The following ZMYM4 variants were observed in gnomAD, a reference collection of about 807,000 sequenced individuals.
The protein encoded by ZMYM4 is zinc finger MYM-type containing 4.
In ZMYM4, 31 loss-of-function variants were observed where a neutral mutation model predicts 183.2. The ratio of observed to expected loss-of-function variants is 0.17; its 90% CI spans 0.13 to 0.23. ZMYM4 has a LOEUF of 0.23. ZMYM4 is among the 10% of genes least tolerant of loss of function. The pLI is 1.00. For synonymous variants in ZMYM4, 592 were observed against 631.2 expected (o/e 0.94, Z 0.93); for missense variants, 1,273 against 1,840.3 (o/e 0.69, Z 5.64).
chr1:35,385,579 G>A lies in ZMYM4; in HGVS notation c.1707G>A (p.Met569Ile). Residue 569 changes from methionine (M) to isoleucine (I), a missense_variant, in exon 10 of 30, where the codon ATG becomes ATA. Met to Ile is a conservative substitution (Grantham distance 10). This residue lies in a region of ZMYM4 where 319 missense variants were observed against 518.1 expected (regional missense o/e 0.62). Coordinates refer to ENST00000314607, the MANE Select transcript of ZMYM4 (RefSeq NM_005095.3). ...VNCLSAYRVK[M>I]VTSAGVQVQC... ...GCTTATCTGCTTACAGAGTTAAAATGGTTACTTCTGCAGGTAATATTGGTT... is the reference window on the plus strand; with the variant it reads ...GCTTATCTGCTTACAGAGTTAAAATAGTTACTTCTGCAGGTAATATTGGTT... The A allele has an allele frequency of 6.2e-7, 1 of 1,601,246 alleles. No homozygotes were observed. The highest frequency in any genetic ancestry group is 8.5e-7 in the Non-Finnish European group (1 of 1,176,350).
At chr1:35,282,947 C>G (rs1320772978) in intron 1 of ZMYM4, among the ~76,000 whole-genome samples, 2 of 144,586 alleles carry the variant, frequency 1.4e-5, no homozygotes, top group Non-Finnish European at 3.0e-5. Context: ...TTTTCTGCAT[C>G]CTCACCAATA....
chr1:35,286,379 C>T (rs1001976074), intron 1 of ZMYM4, among the ~76,000 whole-genome samples: 7 of 152,118 alleles, frequency 4.6e-5, no homozygotes, highest in Admixed American at 3.3e-4. Context: ...CCTCCCCGTC[C>T]GCCAAAAAAA....
intron 1 of ZMYM4, 72 bp from the exon 2 acceptor site, chr1:35,325,288 G>A (rs1166209104): frequency 7.2e-7 from 1 of 1,395,636 alleles, no homozygotes; most frequent in South Asian, 1.3e-5. Context: ...TGGGGAATAG[G>A]GAGGGATACC....
chr1:35,363,286 A>G (rs1366884507), intron 5 of ZMYM4, among the ~76,000 whole-genome samples: 1 of 152,028 alleles, frequency 6.6e-6, no homozygotes, highest in East Asian at 1.9e-4. Flanking sequence ...GGTCAAGTGC[A>G]TTTTTCATTT....
At chr1:35,372,812 AC>A (rs758443550) in intron 7 of ZMYM4, among the ~76,000 whole-genome samples, 1 of 152,206 alleles carries the variant, frequency 6.6e-6, no homozygotes, top group Non-Finnish European at 1.5e-5. Flanking sequence ...AGTTTCAGAT[AC>A]TGGGAGCATT....
chr1:35,405,460 G>A lies in ZMYM4; in HGVS notation c.3788G>A (p.Gly1263Asp). The A allele has an allele frequency of 6.2e-7, 1 of 1,600,028 alleles. No individual in the cohort carries two copies. The highest frequency in any genetic ancestry group is 8.5e-7 in the Non-Finnish European group (1 of 1,175,032). The change falls in exon 25 of 30, where the codon GGC becomes GAC. Residue 1263 changes from glycine to aspartate, a missense_variant. By Grantham distance (94) the Gly-to-Asp change is moderately conservative (BLOSUM62 -1). Around this residue, in one of 6 missense-constraint regions of ZMYM4, gnomAD observed 133 missense variants for 155.7 expected, o/e 0.85. Transcript: ENST00000314607. Reference protein sequence around the residue: ...HALSQESSEPGCRVRSIKLKE... With the variant: ...HALSQESSEPDCRVRSIKLKE... ...CTCTCTCAAGAATCCTCAGAGCCAG[G>A]CTGTAGAGGTAAAATTTGTTTCTCT...
rs571824014 is a variant in ZMYM4 at position 35,335,750 on chromosome 1, G to T, written c.85+10345G>T. The stretch of plus-strand genomic sequence containing the variant: ...GGGTGGATCACGAGGTCAGGAGCTC[G>T]AGACCATCCTAGCTAACACGGTGAA... On this transcript the variant is annotated intron_variant, in intron 2 of 29. Transcript: ENST00000314607. 3.9e-5 allele frequency among the ~76,000 whole-genome samples: 6 copies of T among 152,080 alleles called. No individual in the cohort carries two copies. The South Asian group carries it at 8.3e-4, about 21-fold the overall frequency.
At chr1:35,407,515 A>C (rs1027524552) in intron 25 of ZMYM4, among the ~76,000 whole-genome samples, 1 of 152,120 alleles carries the variant, frequency 6.6e-6, no homozygotes, top group East Asian at 1.9e-4. Context: ...ACCATTAAGC[A>C]CTGTGAATTC....
chr1:35,397,583 C>G, intron 20 of ZMYM4, 38 bp downstream of exon 20: 1 of 1,526,436 alleles, frequency 6.6e-7, no homozygotes, highest in South Asian at 1.3e-5. Flanking sequence ...AGAAAAAACA[C>G]GTTTTACACA....
At chr1:35,323,464 G>A (rs1642373285) in intron 1 of ZMYM4, among the ~76,000 whole-genome samples, 1 of 152,134 alleles carries the variant, frequency 6.6e-6, no homozygotes, top group Admixed American at 6.5e-5. Context: ...TTAAACAATG[G>A]GATTCTTCTC....
intron 1 of ZMYM4, among the ~76,000 whole-genome samples, chr1:35,275,582 C>T (rs1639831441): frequency 6.6e-6 from 1 of 152,122 alleles, no homozygotes. Flanking sequence ...ATTTCAGTTT[C>T]TATGGATACT....
chr1:35,341,058 A>G (rs972653451), intron 2 of ZMYM4, among the ~76,000 whole-genome samples: 8 of 151,850 alleles, frequency 5.3e-5, no homozygotes, highest in Non-Finnish European at 8.8e-5. Context: ...TGGAATTTCT[A>G]TTACATTCTA....
intron 1 of ZMYM4, among the ~76,000 whole-genome samples, chr1:35,322,422 T>G (rs1642321489): frequency 6.6e-6 from 1 of 152,220 alleles, no homozygotes; most frequent in Admixed American, 6.5e-5. Context: ...GGCTTTTATT[T>G]TTTTTTCAGT....
chr1:35,373,409 G>A (rs1426277627), intron 7 of ZMYM4, among the ~76,000 whole-genome samples: 3 of 143,768 alleles, frequency 2.1e-5, no homozygotes, highest in South Asian at 2.2e-4. Flanking sequence ...GAGTCTCGCC[G>A]CTCTGTCGCC....
intron 27 of ZMYM4, among the ~76,000 whole-genome samples, chr1:35,414,512 T>G (rs1254911072): frequency 6.6e-6 from 1 of 152,178 alleles, no homozygotes; most frequent in Non-Finnish European, 1.5e-5. Flanking sequence ...GGTCTCAGGC[T>G]GAGGTGAATG....
chr1:35,349,080 C>G (rs1261972719), intron 2 of ZMYM4, among the ~76,000 whole-genome samples: 1 of 152,154 alleles, frequency 6.6e-6, no homozygotes, highest in Non-Finnish European at 1.5e-5. Context: ...ACTGCAACCT[C>G]CACCTCCTGG....
intron 2 of ZMYM4, among the ~76,000 whole-genome samples, chr1:35,345,153 ACTAAATTTATTG>A (rs1214886630): frequency 6.6e-6 from 1 of 152,188 alleles, no homozygotes; most frequent in African/African-American, 2.4e-5. Flanking sequence ...TTTTAGTTTG[ACTAAATTTATTG>A]CTTCTGGGCC....
In ZMYM4 at chr1:35,268,780, C is replaced by A. The variant is rs1293087230; in HGVS notation, c.-267C>A. Among the ~76,000 whole-genome samples, 1 of 152,234 alleles carries A rather than the reference C, an allele frequency of 6.6e-6. No individual in the cohort carries two copies. The highest frequency in any genetic ancestry group is 1.5e-5 in the Non-Finnish European group (1 of 68,036). Reference sequence around the variant, plus strand: ...AGAGAAAATAATCCTACTCACGGGGCCCCTTGGAGGCCATTAACCCCCCGA... The same window carrying A: ...AGAGAAAATAATCCTACTCACGGGGACCCTTGGAGGCCATTAACCCCCCGA... On this transcript the variant is annotated 5_prime_UTR_variant, in exon 1 of 30. Transcript: ENST00000314607.
intron 1 of ZMYM4, among the ~76,000 whole-genome samples, chr1:35,282,466 C>A (rs1419629074): frequency 6.6e-6 from 1 of 152,206 alleles, no homozygotes; most frequent in African/African-American, 2.4e-5. Context: ...CTCAGGTATT[C>A]TGTTACAGCA....
Sources: allele counts gnomAD v4.1 joint callset (sites outside exome capture counted in the v4.1 genomes callset), GRCh38; gene constraint gnomAD v4.1.1; regional missense constraint gnomAD v4.1.1; transcripts MANE v1.5; gene names NCBI Gene and HGNC (gene_info 2026-07-23, HGNC 2026-07-21).